Variants in COL3A1 observed in about 807,000 individuals in gnomAD.
COL3A1 encodes the protein collagen type III alpha 1 chain, also known as collagen alpha-1(III) chain.
Under a neutral mutation model 200.9 loss-of-function variants are expected in COL3A1, and 46 were observed. The observed-to-expected ratio is 0.23, with a 90% CI of 0.18 to 0.29. The LOEUF (loss-of-function observed/expected upper bound fraction) is 0.29. Ranked by LOEUF, COL3A1 falls within the 10% of genes least tolerant of loss-of-function variation. The pLI is 1.00. For missense variants in COL3A1, 1,367 were observed against 1,917.6 expected, an observed-to-expected ratio of 0.71 and a Z score of 5.36; for synonymous variants, 650 against 628.0, an observed-to-expected ratio of 1.03 and a Z score of -0.52.
At chr2:189,004,463 T>A in intron 40 of COL3A1, 99 bp downstream of exon 40, 4 of 1,076,474 alleles carry the variant, frequency 3.7e-6, no homozygotes, top group Non-Finnish European at 5.4e-6. Context: ...GTCACTGGAG[T>A]AAATTAGCCA....
chr2:188,977,780 T>A (rs1054711600), intron 1 of COL3A1, among the ~76,000 whole-genome samples: 2 of 152,074 alleles, frequency 1.3e-5, no homozygotes, highest in Non-Finnish European at 2.9e-5. Flanking sequence ...ACTAAAAAAA[T>A]TATATATCGT....
intron 26 of COL3A1, 33 bp downstream of exon 26, chr2:188,997,422 A>G (rs1292454596): frequency 7.5e-6 from 12 of 1,598,684 alleles, no homozygotes; most frequent in Non-Finnish European, 1.0e-5. Flanking sequence ...GGAGATGAAA[A>G]TAGGGTGGAG....
intron 35 of COL3A1, 108 bp downstream of exon 35, chr2:189,002,459 T>C: frequency 1.1e-6 from 1 of 929,902 alleles, no homozygotes; most frequent in Non-Finnish European, 1.7e-6. Flanking sequence ...TTTTAGCTGC[T>C]CATTCCCTAT....
At chr2:188,999,658 C>A in intron 31 of COL3A1, 81 bp downstream of exon 31, 7 of 1,458,846 alleles carry the variant, frequency 4.8e-6, no homozygotes, top group South Asian at 3.5e-5. Context: ...GGAAAGTAAT[C>A]GACTGTATTT....
rs1688293277 is a variant in COL3A1 at position 188,995,772 on chromosome 2, T to C, written c.1590T>C (p.Pro530=). The change falls in exon 22 of 51, where the codon CCT becomes CCC. Residue 530 remains proline, a synonymous_variant. Coordinates refer to ENST00000304636, the MANE Select transcript of COL3A1 (RefSeq NM_000090.4). ...AAGEPGRDGV[P]GGPGMRGMPG... is the part of the protein sequence containing the mutation. ...GAGAACCTGGCAGAGATGGCGTCCC[T>C]GGAGGTCCAGGAATGAGGGTACAGA... 1.3e-6 allele frequency: 2 copies of C among 1,562,596 alleles called. No homozygotes were observed. Among genetic ancestry groups the C allele is most frequent in the Non-Finnish European group, 1.7e-6 (2 of 1,152,764 alleles).
In COL3A1 at chr2:188,989,408, C is replaced by T; in HGVS notation, c.649C>T (p.Pro217Ser). 1 of 1,604,408 alleles carries T rather than the reference C, an allele frequency of 6.2e-7. No individual in the cohort carries two copies. The highest frequency in any genetic ancestry group is 8.5e-7 in the Non-Finnish European group (1 of 1,175,172). The change falls in exon 8 of 51, where the codon CCT (proline) becomes TCT (serine). Residue 217 changes from proline to serine, a missense_variant. By Grantham distance (74) the Pro-to-Ser change is moderately conservative. Transcript: ENST00000304636. The stretch of plus-strand genomic sequence containing the variant: ...TCCTTATTTTCAGGGCCCTCCAGGA[C>T]CTCCTGGTGCTATAGGTCCATCTGG... ...GQAGPSGPPGPPGAIGPSGPA... is the reference protein window; with the variant it reads ...GQAGPSGPPGSPGAIGPSGPA...
In COL3A1 at chr2:188,985,235, C is replaced by T. The variant is rs1331089458; in HGVS notation, c.321C>T (p.Pro107=). The change falls in exon 3 of 51, where the codon CCC becomes CCT. Residue 107 remains proline (P), a synonymous_variant. Transcript: ENST00000304636. The stretch of plus-strand genomic sequence containing the variant: ...CTAATGGTCAAGGACCTCAAGGCCC[C>T]AAGGGAGATCCAGTAAGTAAACATT... ...RPPNGQGPQG[P]KGDPGPPGIP... The T allele has an allele frequency of 6.2e-7, 1 of 1,611,060 alleles. No individual in the cohort carries two copies. The highest frequency in any genetic ancestry group is 2.2e-5 in the East Asian group (1 of 44,834).
At chr2:188,997,851 CTG>C (rs1169790215) in intron 27 of COL3A1, 98 bp downstream of exon 27, 1 of 1,106,170 alleles carries the variant, frequency 9.0e-7, no homozygotes, top group Non-Finnish European at 1.4e-6. Flanking sequence ...ACTTGTGATT[CTG>C]TCTTTCATCT....
rs1173674689 is a variant in COL3A1 at position 189,010,797 on chromosome 2, GA to G, written c.4163del (p.Lys1388ArgfsTer3). The G allele has an allele frequency of 1.2e-6, 2 of 1,614,148 alleles. No homozygotes were observed. On this transcript the variant is annotated frameshift_variant, in exon 50 of 51. Transcript: ENST00000304636. LOFTEE classifies it high-confidence loss of function. Reference sequence around the variant, plus strand: ...TGGATCAGGCCAGTGGAAATGTAAAGAAGGCCCTGAAGCTGATGGGGTCAAA... The same window carrying G: ...TGGATCAGGCCAGTGGAAATGTAAAGAGGCCCTGAAGCTGATGGGGTCAAA... The part of the protein sequence containing the change: ...YMDQASGNVK[K>X]ALKLMGSNEG...
At chr2:188,975,814 G>A (rs570655259) in intron 1 of COL3A1, among the ~76,000 whole-genome samples, 2 of 151,158 alleles carry the variant, frequency 1.3e-5, no homozygotes, top group Non-Finnish European at 2.9e-5. Flanking sequence ...CCTCTCCTTC[G>A]CTTTGCCCTC....
At position 189,007,593 on chromosome 2, in the gene COL3A1, G is replaced by T. The variant is rs757209491; in HGVS notation, c.3349G>T (p.Ala1117Ser). The change falls in exon 45 of 51, where the codon GCC becomes TCC. Residue 1117 changes from alanine (A) to serine (S), a missense_variant. Transcript: ENST00000304636. Reference protein sequence around the residue: ...GHRGFPGNPGAPGSPGPAGQQ... With the variant: ...GHRGFPGNPGSPGSPGPAGQQ... ...TCGAGGATTCCCTGGTAATCCAGGT[G>T]CCCCAGGTTCTCCAGTAAGTGCATT... The T allele has an allele frequency of 1.9e-6, 3 of 1,612,180 alleles. No homozygotes were observed. The highest frequency in any genetic ancestry group is 1.1e-5 in the South Asian group (1 of 90,666).
At chr2:188,988,702 T>C (rs1688114703) in intron 7 of COL3A1, 59 bp downstream of exon 7, 12 of 1,212,900 alleles carry the variant, frequency 9.9e-6, no homozygotes, top group Non-Finnish European at 1.3e-5. Context: ...AACCTACCTT[T>C]GTTTTCTAAA....
intron 14 of COL3A1, 84 bp downstream of exon 14, chr2:188,992,312 T>C (rs1052661269): frequency 8.9e-7 from 1 of 1,128,418 alleles, no homozygotes; most frequent in Non-Finnish European, 1.3e-6. Context: ...TATATGTATA[T>C]ACTCTTAGGT....
rs866013847 is a variant in COL3A1 at position 189,004,042 on chromosome 2, G to A, written c.2722G>A (p.Ala908Thr). ...AGGCAAGGATGGGCCCCCAGGTCCT[G>A]CGGGTAACACTGGTGCTCCTGGCAG... ...SPGKDGPPGP[A>T]GNTGAPGSPG... Residue 908 changes from alanine (A) to threonine (T), a missense_variant, in exon 39 of 51, where the codon GCG becomes ACG. By Grantham distance (58) the Ala-to-Thr change is moderately conservative. Transcript: ENST00000304636. 6.2e-7 allele frequency: 1 copy of A among 1,613,202 alleles called. No homozygotes were observed. Among genetic ancestry groups the A allele is most frequent in the Non-Finnish European group, 8.5e-7 (1 of 1,179,930 alleles).
intron 1 of COL3A1, among the ~76,000 whole-genome samples, chr2:188,981,741 A>T (rs1687956945): frequency 1.3e-5 from 2 of 151,580 alleles, no homozygotes; most frequent in Non-Finnish European, 3.0e-5. Flanking sequence ...TGACTTTGCC[A>T]TGATTTTCGC....
intron 34 of COL3A1, 103 bp from the exon 35 acceptor site, chr2:189,002,195 C>T: frequency 2.0e-6 from 2 of 986,858 alleles, no homozygotes. Flanking sequence ...CTGCACATTT[C>T]CTGCTTAAAG....
chr2:188,994,008 T>G lies in COL3A1; in HGVS notation c.1150-30T>G, dbSNP rs376044195. The G allele has an allele frequency of 1.0e-4, 167 of 1,602,418 alleles. No individual in the cohort carries two copies. The highest frequency in any genetic ancestry group is 1.3e-4 in the Non-Finnish European group (153 of 1,169,782). On this transcript the variant is annotated intron_variant, in intron 16 of 50. Transcript: ENST00000304636. This position sits in a 1 kb window ranked among gnomAD's most constrained non-coding sequence, Gnocchi z 4.5. Reference sequence around the variant, plus strand: ...ATATACGAACTATTTGCATTACTATTAATACATTATCTGTTTTTTGTATAC... The same window carrying G: ...ATATACGAACTATTTGCATTACTATGAATACATTATCTGTTTTTTGTATAC...
intron 1 of COL3A1, among the ~76,000 whole-genome samples, chr2:188,980,032 T>C (rs1218444143): frequency 2.0e-5 from 3 of 151,680 alleles, no homozygotes; most frequent in African/African-American, 7.2e-5. Context: ...GGAGGTACTA[T>C]AGCACTAGTT....
chr2:189,009,448 T>G (rs1047850674), intron 48 of COL3A1, among the ~76,000 whole-genome samples: 5 of 152,038 alleles, frequency 3.3e-5, no homozygotes, highest in African/African-American at 1.2e-4. Context: ...GACATTTTTG[T>G]AGAAGTTGTA....
Sources: allele counts gnomAD v4.1 joint callset (sites outside exome capture counted in the v4.1 genomes callset), GRCh38; gene constraint gnomAD v4.1.1; non-coding constraint Gnocchi (gnomAD v3.1); transcripts MANE v1.5; gene names NCBI Gene and HGNC (gene_info 2026-07-23, HGNC 2026-07-21).